Variants in CSMD1 observed in about 807,000 individuals in gnomAD.
The protein encoded by CSMD1 is CUB and Sushi multiple domains 1, also known as CUB and sushi domain-containing protein 1.
A neutral mutation model predicts 417.5 loss-of-function variants in CSMD1; 213 were observed. That is an observed-to-expected ratio of 0.51 (90% CI 0.46 to 0.57). The LOEUF is 0.57. CSMD1 is among the 20% of genes least tolerant of loss of function. The pLI, the probability that CSMD1 is intolerant of heterozygous loss-of-function variation, is 0.00. For synonymous variants in CSMD1, 2,862 were observed against 1,736.8 expected, an observed-to-expected ratio of 1.65 and a Z score of -16.11; for missense variants, 6,923 against 4,529.7, an observed-to-expected ratio of 1.53 and a Z score of -15.17.
intron 3 of CSMD1, among the ~76,000 whole-genome samples, chr8:4,123,581 A>C (rs544115593): frequency 2.6e-5 from 4 of 152,190 alleles, no homozygotes; most frequent in Non-Finnish European, 5.9e-5. Context: ...TTCAACGTTA[A>C]TTTCTATGGT....
intron 3 of CSMD1, among the ~76,000 whole-genome samples, chr8:4,373,592 C>T (rs979856666): frequency 6.6e-6 from 1 of 152,128 alleles, no homozygotes; most frequent in African/African-American, 2.4e-5. Context: ...TTTAATTTTC[C>T]TATGTGCGAT....
rs540035092 is a variant in CSMD1, at chr8:2,999,199, G to T, written c.8203+759C>A. Among the ~76,000 whole-genome samples the T allele has an allele frequency of 5.6e-5, 8 of 142,838 alleles. No individual in the cohort carries two copies. The South Asian group carries it at 1.8e-3, about 31-fold the overall frequency. The allele number at this position is 142,838 out of a possible 152,430, so 93.7% of individuals were successfully genotyped here. ...AGATAGAGTCTTGGTCTGTCACCCA[G>T]GCTGGGGTGCAGCGGCACGATCTCT... On this transcript the variant is annotated intron_variant, in intron 53 of 69. Transcript: ENST00000635120.
At chr8:4,684,092 G>C (rs560802165) in intron 1 of CSMD1, among the ~76,000 whole-genome samples, 24 of 152,170 alleles carry the variant, frequency 1.6e-4, no homozygotes, top group Non-Finnish European at 3.4e-4. Context: ...AGGGAATTTT[G>C]TACAAGTGAA....
chr8:3,752,585 T>G (rs1458514931), intron 6 of CSMD1, among the ~76,000 whole-genome samples: 1 of 138,256 alleles, frequency 7.2e-6, no homozygotes, highest in Non-Finnish European at 1.5e-5. Flanking sequence ...GCCCAGGAGG[T>G]GGAGGTTGCA....
intron 7 of CSMD1, among the ~76,000 whole-genome samples, chr8:3,651,789 CCCA>C (rs1229795058): frequency 1.3e-5 from 2 of 151,404 alleles, no homozygotes; most frequent in Admixed American, 6.6e-5. Flanking sequence ...CATCAGAGCA[CCCA>C]CCACCATCGC....
At chr8:3,619,238 A>G (rs1470291247) in intron 7 of CSMD1, among the ~76,000 whole-genome samples, 3 of 152,202 alleles carry the variant, frequency 2.0e-5, no homozygotes, top group Non-Finnish European at 4.4e-5. Context: ...CCCAGACAGG[A>G]CATGTACCCC....
intron 16 of CSMD1, 61 bp from the exon 17 acceptor site, chr8:3,396,442 C>T (rs748147305): frequency 7.4e-5 from 88 of 1,187,754 alleles, no homozygotes; most frequent in Admixed American, 5.5e-4. Context: ...CAGACGTGCT[C>T]CTGACATCCT....
At chr8:4,587,985 A>C (rs968010191) in intron 2 of CSMD1, among the ~76,000 whole-genome samples, 3 of 152,208 alleles carry the variant, frequency 2.0e-5, no homozygotes, top group African/African-American at 7.2e-5. Flanking sequence ...TCAACTAGCT[A>C]CTTTCCTGAA....
chr8:4,891,239 C>A (rs906156482), intron 1 of CSMD1, among the ~76,000 whole-genome samples: 1 of 152,032 alleles, frequency 6.6e-6, no homozygotes, highest in Non-Finnish European at 1.5e-5. Flanking sequence ...ATTCTATGTG[C>A]AAATAATTGT....
At chr8:4,222,455 C>T (rs191018386) in intron 3 of CSMD1, among the ~76,000 whole-genome samples, 18 of 152,110 alleles carry the variant, frequency 1.2e-4, no homozygotes, top group Admixed American at 1.0e-3. Flanking sequence ...TTGTGTAGTA[C>T]CTGGTCCGTC....
chr8:3,500,264 C>T (rs1156783425), intron 10 of CSMD1, among the ~76,000 whole-genome samples: 2 of 152,144 alleles, frequency 1.3e-5, no homozygotes, highest in Admixed American at 6.5e-5. Flanking sequence ...TTTGGTTCCT[C>T]TTTGTGAAGG....
At chr8:3,947,141 A>C (rs902275185) in intron 5 of CSMD1, among the ~76,000 whole-genome samples, 4 of 152,218 alleles carry the variant, frequency 2.6e-5, no homozygotes, top group African/African-American at 9.6e-5. Context: ...TTCATCATTA[A>C]GTAAGAAATT....
intron 7 of CSMD1, among the ~76,000 whole-genome samples, chr8:3,677,255 T>A (rs1273716322): frequency 6.6e-6 from 1 of 152,172 alleles, no homozygotes; most frequent in Non-Finnish European, 1.5e-5. Flanking sequence ...ATAGCATGCA[T>A]CGAAAATTTC....
chr8:2,980,315 T>TCTCCTCCTCCTC (rs146468031), intron 54 of CSMD1, among the ~76,000 whole-genome samples: 6 of 148,982 alleles, frequency 4.0e-5, no homozygotes, highest in African/African-American at 1.2e-4. Context: ...TGCCACCATT[T>TCTCCTCCTCCTC]CTCCTCCTCC....
intron 8 of CSMD1, among the ~76,000 whole-genome samples, chr8:3,593,945 C>T (rs1349397959): frequency 3.9e-5 from 6 of 152,116 alleles, no homozygotes; most frequent in African/African-American, 7.2e-5. Flanking sequence ...TGGGGAGTTT[C>T]CTGAACAAGG....
intron 3 of CSMD1, among the ~76,000 whole-genome samples, chr8:4,378,179 G>A (rs11785440): frequency 0.2 from 29,879 of 152,090 alleles, 3,042 homozygotes; most frequent in Admixed American, 0.26. Flanking sequence ...TAGATATTGC[G>A]ACTCTAATCG....
chr8:3,551,128 G>A (rs558284794), intron 10 of CSMD1, among the ~76,000 whole-genome samples: 1 of 152,130 alleles, frequency 6.6e-6, no homozygotes, highest in South Asian at 2.1e-4. Flanking sequence ...TTGTGATTCA[G>A]TTTTCTTATC....
intron 25 of CSMD1, among the ~76,000 whole-genome samples, chr8:3,300,366 T>G (rs995896098): frequency 6.6e-6 from 1 of 152,210 alleles, no homozygotes; most frequent in African/African-American, 2.4e-5. Context: ...TAGGGGTTTT[T>G]TTTTCTGCAG....
At chr8:4,730,683 G>T (rs1277446906) in intron 1 of CSMD1, among the ~76,000 whole-genome samples, 3 of 152,104 alleles carry the variant, frequency 2.0e-5, no homozygotes, top group Admixed American at 2.0e-4. Context: ...GGAGCTTGCA[G>T]TGAGGAGAGA....
Sources: gnomAD v4.1 joint callset for allele counts (sites outside exome capture counted in the v4.1 genomes callset) on GRCh38, gnomAD v4.1.1 for gene constraint, MANE v1.5 for transcripts, NCBI Gene and HGNC (gene_info 2026-07-23, HGNC 2026-07-21) for gene names.